ZNF521: variants seen among roughly 807,000 people sequenced by gnomAD.
ZNF521 encodes zinc finger protein 521, also known as LYST-interacting protein 3.
Under a neutral mutation model 105.5 loss-of-function variants are expected in ZNF521, and 14 were observed. The ratio of observed to expected loss-of-function variants is 0.13; its 90% confidence interval spans 0.09 to 0.21. The LOEUF is 0.21. Ranked by LOEUF, ZNF521 falls within the 10% of genes least tolerant of loss-of-function variation. ZNF521 has a pLI of 1.00. For missense variants in ZNF521, 1,233 were observed against 1,629.7 expected (o/e 0.76, Z 4.19); for synonymous variants, 635 against 606.0 (o/e 1.05, Z -0.70).
At chr18:25,195,661 TA>T (rs2035890719) in intron 4 of ZNF521, among the ~76,000 whole-genome samples, 1 of 151,702 alleles carries the variant, frequency 6.6e-6, no homozygotes, top group Non-Finnish European at 1.5e-5. Flanking sequence ...GTGTTGCTTC[TA>T]GATATCCATA....
chr18:25,203,629 C>T (rs1042926318), intron 4 of ZNF521, among the ~76,000 whole-genome samples: 1 of 152,000 alleles, frequency 6.6e-6, no homozygotes, highest in African/African-American at 2.4e-5. Flanking sequence ...TACTACATGC[C>T]AGCCCAGTTG....
chr18:25,098,400 T>C (rs1304106780), intron 5 of ZNF521, among the ~76,000 whole-genome samples: 1 of 152,056 alleles, frequency 6.6e-6, no homozygotes, highest in Non-Finnish European at 1.5e-5. Context: ...AGAGAAAACA[T>C]GGTGCCTACA....
At chr18:25,259,622 TTTCAAGACGATCA>T (rs1238858215) in intron 3 of ZNF521, among the ~76,000 whole-genome samples, 1 of 152,018 alleles carries the variant, frequency 6.6e-6, no homozygotes, top group African/African-American at 2.4e-5. Context: ...TGAACTAGAA[TTTCAAGACGATCA>T]TTCCATCCAC....
chr18:25,287,848 C>G (rs1910792570), intron 3 of ZNF521, among the ~76,000 whole-genome samples: 1 of 152,162 alleles, frequency 6.6e-6, no homozygotes, highest in South Asian at 2.1e-4. Flanking sequence ...TTCAGATTCG[C>G]AGATAAGTAT....
intron 5 of ZNF521, among the ~76,000 whole-genome samples, chr18:25,183,775 T>C (rs1291266635): frequency 6.6e-6 from 1 of 152,186 alleles, no homozygotes; most frequent in African/African-American, 2.4e-5. Context: ...GCAGAACAGA[T>C]GCATTTTAAA....
At chr18:25,081,105 T>A (rs1461294538) in intron 7 of ZNF521, among the ~76,000 whole-genome samples, 2 of 108,906 alleles carry the variant, frequency 1.8e-5, no homozygotes, top group Admixed American at 2.8e-4. Context: ...AAGCAGAATG[T>A]GGCAGAGGTG....
intron 3 of ZNF521, among the ~76,000 whole-genome samples, chr18:25,287,482 C>T (rs572417645): frequency 2.5e-4 from 38 of 151,976 alleles, no homozygotes; most frequent in East Asian, 1.4e-3. Context: ...TTAAGAGCAG[C>T]GAAATGTTAT....
chr18:25,099,795 C>A lies in ZNF521; in HGVS notation c.3659-7714G>T, dbSNP rs190852503. Reference sequence around the variant, plus strand: ...ATGCCCTTACATCTGGGACTTCCGGCAGTAGTGGAAGTACAGGTATATTTA... The same window carrying A: ...ATGCCCTTACATCTGGGACTTCCGGAAGTAGTGGAAGTACAGGTATATTTA... On this transcript the variant is annotated intron_variant, in intron 5 of 7. Transcript: ENST00000361524. 9.2e-5 allele frequency among the ~76,000 whole-genome samples: 14 copies of A among 152,280 alleles called. No homozygotes were observed. In the East Asian group the frequency reaches 2.7e-3, roughly 29 times the overall value.
At chr18:25,298,210 C>T (rs756914506) in intron 3 of ZNF521, among the ~76,000 whole-genome samples, 4 of 152,114 alleles carry the variant, frequency 2.6e-5, no homozygotes, top group South Asian at 2.1e-4. Flanking sequence ...CAAAGAAATA[C>T]AAAATTTATA....
chr18:25,348,536 C>G (rs557179868), intron 2 of ZNF521, among the ~76,000 whole-genome samples: 1 of 152,204 alleles, frequency 6.6e-6, no homozygotes, highest in African/African-American at 2.4e-5. Flanking sequence ...GCTTCTCATC[C>G]CCAAAAGCCC....
In ZNF521 at chr18:25,329,292, C is replaced by T. The variant is rs572975895; in HGVS notation, c.41-7105G>A. 6.2e-5 allele frequency among the ~76,000 whole-genome samples: 9 copies of T among 145,028 alleles called. No individual in the cohort carries two copies. In the East Asian group the frequency reaches 1.4e-3, roughly 23 times the overall value. On this transcript the variant is annotated intron_variant, in intron 2 of 7. Transcript: ENST00000361524. ...GGTTTTGTCCATTTACCCAAGTTTG[C>T]CATTTGAAACTTATCACTTTTCTGC...
At chr18:25,162,095 T>C (rs1398114781) in intron 5 of ZNF521, among the ~76,000 whole-genome samples, 1 of 152,202 alleles carries the variant, frequency 6.6e-6, no homozygotes, top group Admixed American at 6.5e-5. Context: ...GGGTCACTCT[T>C]TTAGCTCGCC....
chr18:25,287,914 C>G (rs978520619), intron 3 of ZNF521, among the ~76,000 whole-genome samples: 1 of 152,190 alleles, frequency 6.6e-6, no homozygotes, highest in Non-Finnish European at 1.5e-5. Flanking sequence ...CTACAATGGA[C>G]TTTCACAGAA....
intron 5 of ZNF521, among the ~76,000 whole-genome samples, chr18:25,150,977 C>T (rs573575690): frequency 2.4e-4 from 37 of 151,334 alleles, no homozygotes; most frequent in African/African-American, 8.7e-4. Context: ...TAGCCTTGAC[C>T]TCCTTGGCTC....
intron 5 of ZNF521, among the ~76,000 whole-genome samples, chr18:25,173,927 T>C (rs1404433161): frequency 6.6e-6 from 1 of 152,206 alleles, no homozygotes; most frequent in Non-Finnish European, 1.5e-5. Flanking sequence ...ATTCTCAAAG[T>C]GTATCTAAGA....
intron 3 of ZNF521, among the ~76,000 whole-genome samples, chr18:25,231,820 CAGA>C (rs1893200634): frequency 6.6e-6 from 1 of 152,144 alleles, no homozygotes; most frequent in African/African-American, 2.4e-5. Context: ...CCAAGCCTTT[CAGA>C]AGATTGATTC....
intron 3 of ZNF521, among the ~76,000 whole-genome samples, chr18:25,265,778 G>A (rs1421114691): frequency 1.3e-5 from 2 of 152,166 alleles, no homozygotes; most frequent in Non-Finnish European, 1.5e-5. Context: ...AGACTTGGAA[G>A]CAACCTAAGC....
intron 4 of ZNF521, chr18:25,201,682 C>T (rs1352342265): frequency 6.6e-6 from 1 of 152,158 alleles, no homozygotes; most frequent in Non-Finnish European, 1.5e-5. Context: ...CAGATTTGGT[C>T]ACAACCCTGA....
intron 5 of ZNF521, among the ~76,000 whole-genome samples, chr18:25,162,884 T>C (rs77061722): frequency 0.013 from 2,036 of 152,302 alleles, 14 homozygotes; most frequent in Non-Finnish European, 0.022. Context: ...TTGTCTGTAG[T>C]TAACAAGCCC....
Sources: allele counts gnomAD v4.1 joint callset (sites outside exome capture counted in the v4.1 genomes callset), GRCh38; gene constraint gnomAD v4.1.1; transcripts MANE v1.5; gene names NCBI Gene and HGNC (gene_info 2026-07-23, HGNC 2026-07-21).